The following NCOA6 variants were observed in gnomAD, a reference collection of about 807,000 sequenced individuals.
NCOA6 encodes the protein nuclear receptor coactivator 6.
NCOA6 carries 49 observed loss-of-function variants against 171.4 expected under a neutral mutation model. The observed-to-expected ratio is 0.29, with a 90% CI of 0.23 to 0.36. The LOEUF (loss-of-function observed/expected upper bound fraction) is 0.36. NCOA6 is among the 10% of genes least tolerant of loss of function. The pLI is 1.00. For synonymous variants in NCOA6, 910 were observed against 927.5 expected, an observed-to-expected ratio of 0.98 and a Z score of 0.34; for missense variants, 2,248 against 2,554.5, an observed-to-expected ratio of 0.88 and a Z score of 2.59.
At chr20:34,764,921 C>T (rs1030458978) in intron 5 of NCOA6, among the ~76,000 whole-genome samples, 5 of 151,546 alleles carry the variant, frequency 3.3e-5, no homozygotes, top group African/African-American at 1.2e-4. Context: ...CAAGACCAGC[C>T]TGGCCAACAT....
intron 2 of NCOA6, among the ~76,000 whole-genome samples, chr20:34,782,945 G>C (rs1424079235): frequency 2.0e-5 from 3 of 152,266 alleles, no homozygotes; most frequent in Admixed American, 2.0e-4. Context: ...ATTAACAGTG[G>C]AATGGCTGAA....
At chr20:34,737,516 C>A (rs1002547504) in intron 11 of NCOA6, among the ~76,000 whole-genome samples, 1 of 152,156 alleles carries the variant, frequency 6.6e-6, no homozygotes, top group Admixed American at 6.5e-5. Flanking sequence ...CAAGAGTTAG[C>A]AATTCTAGGT....
Position 34,769,364 on chromosome 20 carries a change from AG to A in NCOA6, c.392-779del, listed in dbSNP as rs2077071980. Among the ~76,000 whole-genome samples the A allele has an allele frequency of 2.0e-5, 3 of 149,794 alleles. No individual in the cohort carries two copies. The South Asian group carries it at 6.3e-4, about 31-fold the overall frequency. On this transcript the variant is annotated intron_variant, in intron 4 of 14. Coordinates refer to ENST00000359003, the MANE Select transcript of NCOA6 (RefSeq NM_014071.5). Reference sequence around the variant, plus strand: ...CACATCACTATGTCCGGCTACGTATAGGATTTTTTTTTTTTTTGAGATGGAG... The same window carrying A: ...CACATCACTATGTCCGGCTACGTATAGATTTTTTTTTTTTTTGAGATGGAG...
intron 1 of NCOA6, among the ~76,000 whole-genome samples, chr20:34,805,517 C>A (rs1171285274): frequency 2.0e-5 from 3 of 152,096 alleles, no homozygotes; most frequent in Non-Finnish European, 4.4e-5. Context: ...ACCACATTTT[C>A]TTTATCTAGT....
At chr20:34,818,724 T>C (rs927909486) in intron 1 of NCOA6, among the ~76,000 whole-genome samples, 1 of 152,232 alleles carries the variant, frequency 6.6e-6, no homozygotes, top group East Asian at 1.9e-4. Flanking sequence ...CCATAACACA[T>C]TACAGACATT....
rs763114561 is a variant in NCOA6 at position 34,742,172 on chromosome 20, C to A, written c.4084G>T (p.Ala1362Ser). The A allele has an allele frequency of 2.5e-6, 4 of 1,614,070 alleles. No homozygotes were observed. The highest frequency in any genetic ancestry group is 1.7e-5 in the Admixed American group (1 of 59,996). The change falls in exon 11 of 15, where the codon GCA becomes TCA. Residue 1362 changes from alanine (A) to serine (S), a missense_variant. Physicochemically the swap from Ala to Ser is moderately conservative, Grantham distance 99 (BLOSUM62 1). This residue lies in a region of NCOA6 where 884 missense variants were observed against 941.9 expected (regional missense o/e 0.94). Transcript: ENST00000359003. ...AACTCCACATTCTGCAATAGGGCTG[C>A]ATTTGTCTGAGAGGCCAGAGTAAGT... ...PKLTLASQTN[A>S]ALLQNVELPR... is the part of the protein sequence containing the mutation.
chr20:34,715,715 C>G (rs1313017112), intron 14 of NCOA6, among the ~76,000 whole-genome samples: 2 of 152,134 alleles, frequency 1.3e-5, no homozygotes, highest in African/African-American at 4.8e-5. Flanking sequence ...ACTGACAATG[C>G]TTTTGGTGAG....
rs2076124513 is a variant in NCOA6 at position 34,741,031 on chromosome 20, T to C, written c.5225A>G (p.Gln1742Arg). 6.2e-7 allele frequency: 1 copy of C among 1,614,202 alleles called. No homozygotes were observed. Among genetic ancestry groups the C allele is most frequent in the Non-Finnish European group, 8.5e-7 (1 of 1,180,038 alleles). Residue 1742 changes from glutamine to arginine, a missense_variant, in exon 11 of 15, where the codon CAG becomes CGG. Gln to Arg is a conservative substitution (Grantham distance 43). This residue lies in a region of NCOA6 where 884 missense variants were observed against 941.9 expected (regional missense o/e 0.94). Coordinates refer to ENST00000359003, the MANE Select transcript of NCOA6 (RefSeq NM_014071.5). ...AGACGTACAAGGAGGGGAAGGAAGC[T>C]GAACAGGGGTGGCTCGTGAGCTAAG... ...LVLSSRATPV[Q>R]LPSPPCTSSP...
intron 1 of NCOA6, among the ~76,000 whole-genome samples, chr20:34,813,256 A>G (rs6119529): frequency 0.6 from 90,873 of 151,442 alleles, 27,651 homozygotes; most frequent in South Asian, 0.76. Flanking sequence ...ACTTTAGGTC[A>G]GGAGTTCGAG....
intron 5 of NCOA6, among the ~76,000 whole-genome samples, chr20:34,764,837 G>T (rs1468393523): frequency 6.6e-6 from 1 of 151,932 alleles, no homozygotes; most frequent in Non-Finnish European, 1.5e-5. Flanking sequence ...ATGAGGGCTT[G>T]GTGCGGTGGC....
At chr20:34,765,869 C>T (rs2076968453) in intron 5 of NCOA6, among the ~76,000 whole-genome samples, 1 of 152,172 alleles carries the variant, frequency 6.6e-6, no homozygotes, top group Admixed American at 6.5e-5. Context: ...AAAAAACAGG[C>T]TATGGATTTA....
intron 4 of NCOA6, among the ~76,000 whole-genome samples, chr20:34,774,739 C>G (rs1012361317): frequency 3.3e-5 from 5 of 152,166 alleles, no homozygotes; most frequent in African/African-American, 7.2e-5. Flanking sequence ...AGAGCTCCCC[C>G]ACACATGGTA....
At position 34,741,806 on chromosome 20, in the gene NCOA6, TAGC is replaced by T. The variant is rs2076152452; in HGVS notation, c.4447_4449del (p.Ala1483del). ...CTTAACGATGTTGGTGCTTCCCTCATAGCAGGAGACACCAAATTTTTGTTCTCT... is the reference window on the plus strand; with the variant it reads ...CTTAACGATGTTGGTGCTTCCCTCATAGGAGACACCAAATTTTTGTTCTCT... On this transcript the variant is annotated inframe_deletion, in exon 11 of 15. Transcript: ENST00000359003. 1.2e-6 allele frequency: 2 copies of T among 1,614,198 alleles called. No homozygotes were observed. The highest frequency in any genetic ancestry group is 1.7e-6 in the Non-Finnish European group (2 of 1,180,032).
At chr20:34,783,158 G>C (rs964058965) in intron 2 of NCOA6, among the ~76,000 whole-genome samples, 4 of 152,030 alleles carry the variant, frequency 2.6e-5, no homozygotes, top group African/African-American at 9.7e-5. Context: ...GTGTATGCCT[G>C]TAATCCCAGC....
Position 34,715,211 on chromosome 20 carries a change from A to G in NCOA6, c.*111T>C, listed in dbSNP as rs190241659. The G allele has an allele frequency of 2.8e-6, 4 of 1,423,834 alleles. No homozygotes were observed. Among genetic ancestry groups the G allele is most frequent in the African/African-American group, 2.8e-5 (2 of 71,226 alleles). 88.2% of individuals were successfully genotyped at this position (1,423,834 alleles called of 1,614,324 possible). On this transcript the variant is annotated 3_prime_UTR_variant, in exon 15 of 15. Transcript: ENST00000359003. ...TTGCAGGGACTAGGAAAAGGGCCACATTATTAAAATTACTAACTGTACAGA... is the reference window on the plus strand; with the variant it reads ...TTGCAGGGACTAGGAAAAGGGCCACGTTATTAAAATTACTAACTGTACAGA...
chr20:34,747,971 G>T, intron 9 of NCOA6, among the ~76,000 whole-genome samples: 1 of 152,176 alleles, frequency 6.6e-6, no homozygotes, highest in Non-Finnish European at 1.5e-5. Context: ...TATGAAACAG[G>T]CCCAAGATTC....
intron 2 of NCOA6, among the ~76,000 whole-genome samples, chr20:34,787,588 A>C (rs1295509711): frequency 6.6e-6 from 1 of 152,160 alleles, no homozygotes; most frequent in African/African-American, 2.4e-5. Flanking sequence ...CCTAGGAAAC[A>C]AGTTATTGAG....
intron 1 of NCOA6, among the ~76,000 whole-genome samples, chr20:34,797,645 T>C (rs1040625510): frequency 6.6e-6 from 1 of 151,860 alleles, no homozygotes; most frequent in African/African-American, 2.4e-5. Context: ...CCCAGCACTT[T>C]GGGAGGCCGA....
chr20:34,743,421 T>G (rs1343049144), intron 10 of NCOA6, 80 bp from the exon 11 acceptor site: 1 of 1,433,746 alleles, frequency 7.0e-7, no homozygotes, highest in Non-Finnish European at 9.5e-7. Flanking sequence ...AGCCAAGCAA[T>G]ACTCATCTAG....
Sources: allele counts gnomAD v4.1 joint callset (sites outside exome capture counted in the v4.1 genomes callset), GRCh38; gene constraint gnomAD v4.1.1; regional missense constraint gnomAD v4.1.1; transcripts MANE v1.5; gene names NCBI Gene and HGNC (gene_info 2026-07-23, HGNC 2026-07-21).